The following DOK6 variants were observed in gnomAD, a reference collection of about 807,000 sequenced individuals.
DOK6 encodes docking protein 6.
DOK6 carries 22 observed loss-of-function variants against 44.0 expected under a neutral mutation model. The observed-to-expected ratio is 0.50, with a 90% CI of 0.36 to 0.71. DOK6 has a LOEUF of 0.71. DOK6 is among the 30% of genes least tolerant of loss of function. The pLI is 0.00. For missense variants in DOK6, 340 were observed against 416.4 expected (o/e 0.82, Z 1.60); for synonymous variants, 166 against 145.5 (o/e 1.14, Z -1.01).
chr18:69,729,892 C>CA (rs968578317), intron 5 of DOK6, among the ~76,000 whole-genome samples: 8 of 151,826 alleles, frequency 5.3e-5, no homozygotes, highest in South Asian at 2.1e-4. Flanking sequence ...TAAAGGCTTT[C>CA]AAAAAGAAGA....
Position 69,434,954 on chromosome 18 carries a change from G to GGAAGGAAGGAAGGAAGGAAGGAAGGAA in DOK6, c.66+33645_66+33646insAAGGAAGGAAGGAAGGAAGGAAGGAAG, listed in dbSNP as rs1568256358. Among the ~76,000 whole-genome samples the GGAAGGAAGGAAGGAAGGAAGGAAGGAA allele has an allele frequency of 5.2e-4, 33 of 62,972 alleles. 4 individuals are homozygous for GGAAGGAAGGAAGGAAGGAAGGAAGGAA. The highest frequency in any genetic ancestry group is 3.3e-3 in the East Asian group (7 of 2,104). 41.3% of individuals were successfully genotyped at this position (62,972 alleles called of 152,430 possible). ...AGGGAGGGAGGGAGGGAGGGAGGGAGGGAAGGAAGGAAGGAAGGAAGGAAG... is the reference window on the plus strand; with the variant it reads ...AGGGAGGGAGGGAGGGAGGGAGGGAGGAAGGAAGGAAGGAAGGAAGGAAGGAAGGAAGGAAGGAAGGAAGGAAGGAAG... On this transcript the variant is annotated intron_variant, in intron 1 of 7. Coordinates refer to ENST00000382713, the MANE Select transcript of DOK6 (RefSeq NM_152721.6).
rs117621715 is a variant in DOK6 at position 69,496,966 on chromosome 18, G to A, written c.67-67521G>A. On this transcript the variant is annotated intron_variant, in intron 1 of 7. Transcript: ENST00000382713. The stretch of plus-strand genomic sequence containing the variant: ...AGTACTTATACAGGCAAAAACATGA[G>A]TTAACACTGTTGCATTAGAATGTAC... Among the ~76,000 whole-genome samples, 245 of 152,306 alleles carry A rather than the reference G, an allele frequency of 1.6e-3. 2 individuals carry two copies. The East Asian group carries it at 0.029, about 18-fold the overall frequency.
intron 6 of DOK6, among the ~76,000 whole-genome samples, chr18:69,740,178 G>A (rs757196835): frequency 4.6e-5 from 7 of 152,160 alleles, no homozygotes; most frequent in African/African-American, 9.7e-5. Context: ...GCATTTGTAG[G>A]ATGATTAGGA....
chr18:69,790,040 C>T (rs1278090651), intron 7 of DOK6, among the ~76,000 whole-genome samples: 1 of 152,110 alleles, frequency 6.6e-6, no homozygotes, highest in Admixed American at 6.6e-5. Flanking sequence ...AGATCAAAGT[C>T]CTCAGAGTTG....
intron 4 of DOK6, among the ~76,000 whole-genome samples, chr18:69,689,321 A>C (rs1012317895): frequency 1.2e-4 from 19 of 152,352 alleles, no homozygotes; most frequent in Admixed American, 1.2e-3. Flanking sequence ...TATATTTCAC[A>C]ATATAGTTCA....
At chr18:69,448,103 C>T (rs57817120) in intron 1 of DOK6, among the ~76,000 whole-genome samples, 280 of 152,290 alleles carry the variant, frequency 1.8e-3, no homozygotes, top group African/African-American at 6.4e-3. Context: ...CTGTCTTTAT[C>T]GCCATCACTC....
chr18:69,557,207 A>G (rs1479584011), intron 1 of DOK6, among the ~76,000 whole-genome samples: 2 of 152,172 alleles, frequency 1.3e-5, no homozygotes, highest in Non-Finnish European at 2.9e-5. Context: ...CTTTAGAGCA[A>G]TTGACTCTCA....
In DOK6 at chr18:69,612,399, T is replaced by TTGTGTGCGAGGGCGCA. The variant is rs778243769; in HGVS notation, c.289+12944_289+12959dup. ...GCATGTTTATGAGCACGAAGAGACT[T>TTGTGTGCGAGGGCGCA]TGTGTGCGAGGGCGCATGTGTGCGA... is the stretch of plus-strand genomic sequence containing the variant. On this transcript the variant is annotated intron_variant, in intron 3 of 7. Transcript: ENST00000382713. Among the ~76,000 whole-genome samples, 287 of 62,478 alleles carry TTGTGTGCGAGGGCGCA rather than the reference T, an allele frequency of 4.6e-3. 43 individuals are homozygous for TTGTGTGCGAGGGCGCA. The highest frequency in any genetic ancestry group is 0.015 in the African/African-American group (260 of 17,012). The allele number at this position is 62,478 out of a possible 152,430, so 41.0% of individuals were successfully genotyped here. A position where few individuals can be genotyped will look rare whatever the true frequency, so the allele number is the denominator to read the frequency against.
intron 3 of DOK6, among the ~76,000 whole-genome samples, chr18:69,615,101 T>C (rs74744556): frequency 2.6e-5 from 4 of 152,320 alleles, no homozygotes; most frequent in Admixed American, 2.6e-4. Flanking sequence ...ATCAGTGTTA[T>C]AGTCAAATAT....
chr18:69,612,144 G>A (rs1984156905), intron 3 of DOK6, among the ~76,000 whole-genome samples: 1 of 151,220 alleles, frequency 6.6e-6, no homozygotes, highest in Admixed American at 6.6e-5. Context: ...AATCGTCTCA[G>A]TAAAATTTTC....
rs1047611275 is a variant in DOK6 at position 69,548,170 on chromosome 18, G to C, written c.67-16317G>C. On this transcript the variant is annotated intron_variant, in intron 1 of 7. Coordinates refer to ENST00000382713, the MANE Select transcript of DOK6 (RefSeq NM_152721.6). ...GGGTTTCACGGTGTTAGCCAGGATG[G>C]TCTCGATCTCCTGACCTCATGATCC... Among the ~76,000 whole-genome samples the C allele has an allele frequency of 2.6e-4, 39 of 150,806 alleles. 1 individual carries two copies. The highest frequency in any genetic ancestry group is 8.5e-4 in the African/African-American group (35 of 41,278).
chr18:69,446,901 GTTGT>G (rs1979311036), intron 1 of DOK6, among the ~76,000 whole-genome samples: 1 of 152,140 alleles, frequency 6.6e-6, no homozygotes, highest in Non-Finnish European at 1.5e-5. Context: ...TTTTGATGGG[GTTGT>G]TTGATTTTTT....
chr18:69,835,321 T>C (rs1360538684), intron 7 of DOK6, among the ~76,000 whole-genome samples: 4 of 151,912 alleles, frequency 2.6e-5, no homozygotes, highest in South Asian at 2.1e-4. Context: ...AAAAATTAGT[T>C]GGGTATGGTG....
chr18:69,531,959 G>A (rs149334333), intron 1 of DOK6, among the ~76,000 whole-genome samples: 18 of 152,232 alleles, frequency 1.2e-4, no homozygotes, highest in East Asian at 3.9e-4. Flanking sequence ...ATGAGGTCAC[G>A]AGGGTGGGGC....
chr18:69,826,709 GTTAT>G (rs1460656791), intron 7 of DOK6, among the ~76,000 whole-genome samples: 1 of 152,152 alleles, frequency 6.6e-6, no homozygotes, highest in East Asian at 1.9e-4. Flanking sequence ...TAACTAGAAA[GTTAT>G]TTAGATTTCA....
intron 1 of DOK6, among the ~76,000 whole-genome samples, chr18:69,505,483 C>A (rs1391860424): frequency 1.4e-5 from 2 of 145,448 alleles, no homozygotes; most frequent in African/African-American, 2.5e-5. Context: ...TCCTGTCATA[C>A]TCCCATTCTT....
intron 7 of DOK6, among the ~76,000 whole-genome samples, chr18:69,798,613 C>A (rs551966348): frequency 6.6e-6 from 1 of 152,040 alleles, no homozygotes; most frequent in South Asian, 2.1e-4. Context: ...TTTAGGTTAT[C>A]TGAAATGCCA....
At chr18:69,818,248 C>A (rs1981458693) in intron 7 of DOK6, among the ~76,000 whole-genome samples, 1 of 152,160 alleles carries the variant, frequency 6.6e-6, no homozygotes. Flanking sequence ...CAATGCAGTT[C>A]CTTCACATCT....
chr18:69,620,534 A>C (rs1372048598), intron 3 of DOK6, among the ~76,000 whole-genome samples: 1 of 152,162 alleles, frequency 6.6e-6, no homozygotes, highest in Admixed American at 6.5e-5. Context: ...GGGTAAGAGC[A>C]TACCCTGCAG....
Sources: allele counts gnomAD v4.1 joint callset (sites outside exome capture counted in the v4.1 genomes callset), GRCh38; gene constraint gnomAD v4.1.1; transcripts MANE v1.5; gene names NCBI Gene and HGNC (gene_info 2026-07-23, HGNC 2026-07-21).